The following SPIRE1 variants were observed in gnomAD, a reference collection of about 807,000 sequenced individuals.
SPIRE1 encodes the protein protein spire homolog 1.
In SPIRE1, 40 loss-of-function variants were observed where a neutral mutation model predicts 94.1. The ratio of observed to expected loss-of-function variants is 0.43; its 90% CI spans 0.33 to 0.55. SPIRE1 has a LOEUF of 0.55. SPIRE1 is among the 20% of genes least tolerant of loss of function. SPIRE1 has a pLI of 0.06. For synonymous variants in SPIRE1, 376 were observed against 371.7 expected (o/e 1.01, Z -0.13); for missense variants, 838 against 975.2 (o/e 0.86, Z 1.87).
At chr18:12,563,067 C>T (rs2035731477) in intron 2 of SPIRE1, among the ~76,000 whole-genome samples, 1 of 150,212 alleles carries the variant, frequency 6.7e-6, no homozygotes, top group Non-Finnish European at 1.5e-5. Context: ...GCTAATACTA[C>T]TGTGGTTTAT....
intron 8 of SPIRE1, among the ~76,000 whole-genome samples, chr18:12,487,428 T>C (rs2033078068): frequency 1.4e-5 from 2 of 143,810 alleles, no homozygotes; most frequent in Non-Finnish European, 3.0e-5. Context: ...TGAGATGGAG[T>C]CTCACTCTAT....
At chr18:12,581,920 A>T (rs936366167) in intron 2 of SPIRE1, among the ~76,000 whole-genome samples, 3 of 152,178 alleles carry the variant, frequency 2.0e-5, no homozygotes, top group Non-Finnish European at 4.4e-5. Flanking sequence ...CAGAACACAG[A>T]CAACAAGAAA....
chr18:12,534,793 A>C (rs1463390427), intron 4 of SPIRE1, among the ~76,000 whole-genome samples: 1 of 152,188 alleles, frequency 6.6e-6, no homozygotes, highest in Non-Finnish European at 1.5e-5. Flanking sequence ...TCCTGGCCTC[A>C]AGTGATCCTC....
intron 1 of SPIRE1, among the ~76,000 whole-genome samples, chr18:12,654,013 A>G (rs1229179222): frequency 1.3e-5 from 2 of 152,052 alleles, no homozygotes; most frequent in Non-Finnish European, 2.9e-5. Context: ...GCAGATTGCT[A>G]ACTACATATA....
intron 2 of SPIRE1, among the ~76,000 whole-genome samples, chr18:12,553,850 GAAAT>G (rs1190423847): frequency 1.3e-5 from 2 of 151,832 alleles, no homozygotes; most frequent in African/African-American, 4.8e-5. Context: ...GATCAGAACA[GAAAT>G]AAATAAAAGT....
At chr18:12,621,217 T>A (rs2037458970) in intron 2 of SPIRE1, among the ~76,000 whole-genome samples, 1 of 152,066 alleles carries the variant, frequency 6.6e-6, no homozygotes, top group African/African-American at 2.4e-5. Context: ...AATCAAGAAG[T>A]CAGATAATAA....
chr18:12,528,056 C>CAAAA (rs149869128), intron 4 of SPIRE1, among the ~76,000 whole-genome samples: 2 of 138,348 alleles, frequency 1.4e-5, no homozygotes, highest in Non-Finnish European at 3.1e-5. Context: ...GACTCTATCT[C>CAAAA]AAAAAAAAAA....
intron 4 of SPIRE1, among the ~76,000 whole-genome samples, chr18:12,521,482 C>T (rs2034356818): frequency 6.6e-6 from 1 of 151,838 alleles, no homozygotes; most frequent in South Asian, 2.1e-4. Context: ...TATAGGCGTG[C>T]ACCACCACAC....
intron 4 of SPIRE1, among the ~76,000 whole-genome samples, chr18:12,514,179 T>C (rs1328631321): frequency 6.6e-6 from 1 of 152,200 alleles, no homozygotes; most frequent in African/African-American, 2.4e-5. Flanking sequence ...CCTTATGGTA[T>C]GCACACTGGC....
intron 4 of SPIRE1, among the ~76,000 whole-genome samples, chr18:12,534,077 T>C (rs1219626812): frequency 6.6e-6 from 1 of 152,158 alleles, no homozygotes; most frequent in Non-Finnish European, 1.5e-5. Context: ...AAGCTTTTCA[T>C]TGCCCTATCA....
intron 1 of SPIRE1, among the ~76,000 whole-genome samples, chr18:12,635,895 G>GT (rs549608024): frequency 0.012 from 1,746 of 144,256 alleles, 31 homozygotes; most frequent in African/African-American, 0.035. Flanking sequence ...GGTTTTTTTT[G>GT]TTTTTTTTTT....
intron 4 of SPIRE1, among the ~76,000 whole-genome samples, chr18:12,520,611 A>T (rs1288122737): frequency 6.6e-6 from 1 of 152,202 alleles, no homozygotes; most frequent in Non-Finnish European, 1.5e-5. Flanking sequence ...GACCCTAAAC[A>T]TTACAAATGA....
chr18:12,496,140 TA>T (rs1462182307), intron 6 of SPIRE1, 38 bp from the exon 7 acceptor site: 2 of 1,405,944 alleles, frequency 1.4e-6, no homozygotes, highest in South Asian at 2.3e-5. Flanking sequence ...CATGTGACTA[TA>T]TAAGACTATC....
chr18:12,591,968 CAAAAAAAAAAAAAAA>C lies in SPIRE1; in HGVS notation c.372+43079_372+43093del, dbSNP rs35668057. On this transcript the variant is annotated intron_variant, in intron 2 of 16. Coordinates refer to ENST00000409402, the MANE Select transcript of SPIRE1 (RefSeq NM_001128626.2). The stretch of plus-strand genomic sequence containing the variant: ...TGGGCGACAGAGCAAGACTCCATCT[CAAAAAAAAAAAAAAA>C]AAAAAAAAAATCAAGAATAGGTTTG... 1.8e-4 allele frequency among the ~76,000 whole-genome samples: 12 copies of C among 67,442 alleles called. No individual in the cohort carries two copies. The East Asian group carries it at 5.6e-3, about 31-fold the overall frequency. The allele number at this position is 67,442 out of a possible 152,430, so 44.2% of individuals were successfully genotyped here.
chr18:12,533,932 TAC>T (rs10658152), intron 4 of SPIRE1, among the ~76,000 whole-genome samples: 11,790 of 144,364 alleles, frequency 0.082, 573 homozygotes, highest in Admixed American at 0.11. Flanking sequence ...GCTAATCCAT[TAC>T]ACACACACAC....
chr18:12,547,288 A>C (rs2035201181), intron 2 of SPIRE1, among the ~76,000 whole-genome samples: 1 of 152,238 alleles, frequency 6.6e-6, no homozygotes, highest in South Asian at 2.1e-4. Context: ...ACAAAAATCT[A>C]TTCATATCCA....
In SPIRE1 at chr18:12,483,342, A is replaced by G. The variant is rs2032913007; in HGVS notation, c.1231+2617T>C. ...CATTTTTACTTTAATGTATCAAATG[A>G]GAAAAGCAAAACACTTGGATAGGCT... On this transcript the variant is annotated intron_variant, in intron 9 of 16. Coordinates refer to ENST00000409402, the MANE Select transcript of SPIRE1 (RefSeq NM_001128626.2). Among the ~76,000 whole-genome samples the G allele has an allele frequency of 2.6e-5, 4 of 152,336 alleles. No individual in the cohort carries two copies. In the South Asian group the frequency reaches 6.2e-4, roughly 24 times the overall value.
intron 1 of SPIRE1, among the ~76,000 whole-genome samples, chr18:12,651,597 C>G (rs1257469143): frequency 6.6e-6 from 1 of 152,140 alleles, no homozygotes; most frequent in Non-Finnish European, 1.5e-5. Context: ...TCGCTTGAAC[C>G]CAGGAAGCGG....
At chr18:12,634,075 T>C (rs903760906) in intron 2 of SPIRE1, among the ~76,000 whole-genome samples, 5 of 151,860 alleles carry the variant, frequency 3.3e-5, no homozygotes, top group Admixed American at 1.3e-4. Flanking sequence ...GGTGAAACCC[T>C]GTCTCTACTA....
Sources: gnomAD v4.1 joint callset for allele counts (sites outside exome capture counted in the v4.1 genomes callset) on GRCh38, gnomAD v4.1.1 for gene constraint, MANE v1.5 for transcripts, NCBI Gene and HGNC (gene_info 2026-07-23, HGNC 2026-07-21) for gene names.